Variants in PEBP4 observed in about 807,000 individuals in gnomAD.
PEBP4 encodes phosphatidylethanolamine binding protein 4, also known as phosphatidylethanolamine-binding protein 4.
In PEBP4, 22 loss-of-function variants were observed where a neutral mutation model predicts 23.9. That is an observed-to-expected ratio of 0.92 (90% CI 0.66 to 1.31). The LOEUF (loss-of-function observed/expected upper bound fraction) is 1.31. PEBP4 is among the 40% of genes most tolerant of loss of function. The pLI, the probability that PEBP4 is intolerant of heterozygous loss-of-function variation, is 0.00. For missense variants in PEBP4, 324 were observed against 281.7 expected, an observed-to-expected ratio of 1.15 and a Z score of -1.07; for synonymous variants, 112 against 99.3, an observed-to-expected ratio of 1.13 and a Z score of -0.76.
intron 2 of PEBP4, among the ~76,000 whole-genome samples, chr8:22,922,667 A>G (rs1490309091): frequency 6.6e-6 from 1 of 151,824 alleles, no homozygotes; most frequent in Non-Finnish European, 1.5e-5. Context: ...TAGAAGCTGC[A>G]GTGAGCCATG....
chr8:22,855,317 A>T (rs1171970153), intron 3 of PEBP4, among the ~76,000 whole-genome samples: 2 of 152,184 alleles, frequency 1.3e-5, no homozygotes, highest in African/African-American at 4.8e-5. Context: ...GAAGATGTTG[A>T]CATTACTGTG....
intron 3 of PEBP4, among the ~76,000 whole-genome samples, chr8:22,888,512 T>C (rs555682834): frequency 1.3e-5 from 2 of 152,284 alleles, no homozygotes; most frequent in African/African-American, 4.8e-5. Context: ...GGGTGGGGCT[T>C]GTAAGTGAGG....
chr8:22,788,569 G>T (rs1182100643), intron 4 of PEBP4, among the ~76,000 whole-genome samples: 1 of 152,176 alleles, frequency 6.6e-6, no homozygotes, highest in Non-Finnish European at 1.5e-5. Context: ...GTCCCATCCT[G>T]GGCCTCGGTT....
chr8:22,830,948 T>C (rs1174223470), intron 3 of PEBP4, among the ~76,000 whole-genome samples: 2 of 152,206 alleles, frequency 1.3e-5, no homozygotes, highest in African/African-American at 4.8e-5. Context: ...AATCCTTCTC[T>C]GGCTTCCCTT....
At chr8:22,878,134 C>G (rs1808163522) in intron 3 of PEBP4, 1 of 149,388 alleles carries the variant, frequency 6.7e-6, no homozygotes, top group Non-Finnish European at 1.5e-5. Context: ...TGTGCTCCTG[C>G]AAGCTGAGTG....
chr8:22,828,018 T>A (rs535075164), intron 3 of PEBP4, among the ~76,000 whole-genome samples: 1 of 152,358 alleles, frequency 6.6e-6, no homozygotes, highest in East Asian at 1.9e-4. Context: ...TTTTATATCT[T>A]TGGTGAAATG....
chr8:22,902,683 C>T (rs950736195), intron 3 of PEBP4, among the ~76,000 whole-genome samples: 2 of 152,238 alleles, frequency 1.3e-5, no homozygotes, highest in African/African-American at 4.8e-5. Flanking sequence ...CCTGTCTCTG[C>T]AAACTTCCCC....
chr8:22,759,308 T>C (rs1044590010), intron 4 of PEBP4, among the ~76,000 whole-genome samples: 3 of 151,502 alleles, frequency 2.0e-5, no homozygotes, highest in Admixed American at 6.6e-5. Flanking sequence ...CCCAGTCCTC[T>C]TGAGTCCTGG....
chr8:22,821,290 A>G (rs1262629886), intron 3 of PEBP4, among the ~76,000 whole-genome samples: 2 of 152,334 alleles, frequency 1.3e-5, no homozygotes, highest in African/African-American at 4.8e-5. Context: ...AAACCCTGAA[A>G]ACTGCAATAC....
At chr8:22,848,054 C>G (rs1807475837) in intron 3 of PEBP4, among the ~76,000 whole-genome samples, 1 of 152,034 alleles carries the variant, frequency 6.6e-6, no homozygotes, top group South Asian at 2.1e-4. Flanking sequence ...CTGTCGCTTT[C>G]TCTTTTGGGG....
intron 4 of PEBP4, among the ~76,000 whole-genome samples, chr8:22,759,649 G>A (rs1805464755): frequency 6.6e-6 from 1 of 152,298 alleles, no homozygotes; most frequent in African/African-American, 2.4e-5. Flanking sequence ...AGTTGCAGTA[G>A]GATACCCAGG....
chr8:22,724,642 C>T (rs374316707), intron 6 of PEBP4, among the ~76,000 whole-genome samples: 1 of 152,250 alleles, frequency 6.6e-6, no homozygotes, highest in Non-Finnish European at 1.5e-5. Flanking sequence ...GTGGGACTTA[C>T]TTCTCAAGGG....
At chr8:22,914,282 G>A (rs1316475289) in intron 3 of PEBP4, among the ~76,000 whole-genome samples, 6 of 151,988 alleles carry the variant, frequency 3.9e-5, no homozygotes, top group African/African-American at 7.2e-5. Context: ...ATAAGGCCTG[G>A]TTAACTTCAT....
At chr8:22,883,147 G>T (rs1040536184) in intron 3 of PEBP4, among the ~76,000 whole-genome samples, 1 of 152,132 alleles carries the variant, frequency 6.6e-6, no homozygotes, top group Non-Finnish European at 1.5e-5. Context: ...AACAACAGGG[G>T]CATCTATAGA....
At chr8:22,842,008 G>A (rs905151238) in intron 3 of PEBP4, among the ~76,000 whole-genome samples, 5 of 152,358 alleles carry the variant, frequency 3.3e-5, no homozygotes, top group South Asian at 2.1e-4. Flanking sequence ...AGAAGGAGAC[G>A]AGGTATGTTC....
intron 4 of PEBP4, among the ~76,000 whole-genome samples, chr8:22,753,943 T>G (rs1805323087): frequency 6.6e-6 from 1 of 152,082 alleles, no homozygotes; most frequent in Admixed American, 6.5e-5. Flanking sequence ...TCTACATGTT[T>G]GATAGGGTGT....
intron 3 of PEBP4, among the ~76,000 whole-genome samples, chr8:22,835,413 C>A (rs1483084692): frequency 6.6e-6 from 1 of 152,188 alleles, no homozygotes; most frequent in African/African-American, 2.4e-5. Flanking sequence ...CTGCCTGGAG[C>A]CAGAGAGACT....
intron 4 of PEBP4, among the ~76,000 whole-genome samples, chr8:22,729,108 CA>C (rs577325804): frequency 8.3e-4 from 127 of 152,318 alleles, no homozygotes; most frequent in Non-Finnish European, 1.4e-3. Context: ...CAGGTGTGGC[CA>C]AAGGGCTGTG....
At chr8:22,797,668 A>G (rs1423144825) in intron 4 of PEBP4, among the ~76,000 whole-genome samples, 1 of 152,190 alleles carries the variant, frequency 6.6e-6, no homozygotes, top group Non-Finnish European at 1.5e-5. Flanking sequence ...GGCTGCTGGT[A>G]GACCCCGTAG....
Sources: allele counts gnomAD v4.1 joint callset (sites outside exome capture counted in the v4.1 genomes callset), GRCh38; gene constraint gnomAD v4.1.1; transcripts MANE v1.5; gene names NCBI Gene and HGNC (gene_info 2026-07-23, HGNC 2026-07-21).